The following SLC27A6 variants were observed in gnomAD, a reference collection of about 807,000 sequenced individuals.
The protein encoded by SLC27A6 is solute carrier family 27 member 6, also known as long-chain fatty acid transport protein 6.
A neutral mutation model predicts 63.9 loss-of-function variants in SLC27A6; 74 were observed. The ratio of observed to expected loss-of-function variants is 1.16; its 90% CI spans 0.96 to 1.40. The LOEUF is 1.40. SLC27A6 is among the 40% of genes most tolerant of loss of function. The pLI is 0.00. For synonymous variants in SLC27A6, 287 were observed against 260.8 expected (o/e 1.10, Z -0.97); for missense variants, 794 against 732.9 (o/e 1.08, Z -0.96).
chr5:128,978,046 G>T (rs1185806459), intron 1 of SLC27A6, among the ~76,000 whole-genome samples: 2 of 152,108 alleles, frequency 1.3e-5, no homozygotes, highest in Non-Finnish European at 2.9e-5. Context: ...AGAGAAATTT[G>T]GGATGCCATT....
chr5:128,998,765 A>T (rs1751241110), intron 4 of SLC27A6, among the ~76,000 whole-genome samples: 1 of 152,138 alleles, frequency 6.6e-6, no homozygotes, highest in Admixed American at 6.5e-5. Context: ...TCTATTCCTG[A>T]ACTTCCTTGC....
At chr5:128,986,156 T>C (rs1225974054) in intron 2 of SLC27A6, among the ~76,000 whole-genome samples, 1 of 151,734 alleles carries the variant, frequency 6.6e-6, no homozygotes, top group Non-Finnish European at 1.5e-5. Flanking sequence ...TACAAAAAAA[T>C]TAAAAAAAAT....
intron 1 of SLC27A6, among the ~76,000 whole-genome samples, chr5:128,982,242 T>C (rs1009447418): frequency 4.6e-5 from 7 of 152,198 alleles, no homozygotes; most frequent in African/African-American, 1.7e-4. Context: ...CCTACCACTA[T>C]TGAAGAAATA....
chr5:128,972,278 G>T (rs904524199), intron 1 of SLC27A6, among the ~76,000 whole-genome samples: 1 of 152,082 alleles, frequency 6.6e-6, no homozygotes, highest in Admixed American at 6.6e-5. Flanking sequence ...TTGTGGCGTT[G>T]TCTGTATTTC....
intron 4 of SLC27A6, among the ~76,000 whole-genome samples, chr5:129,002,670 C>A (rs1372651245): frequency 1.3e-5 from 2 of 152,164 alleles, no homozygotes; most frequent in African/African-American, 4.8e-5. Context: ...GAGGACAGAG[C>A]AGACAACAAT....
chr5:128,970,249 A>G (rs960128631), intron 1 of SLC27A6, among the ~76,000 whole-genome samples: 5 of 151,994 alleles, frequency 3.3e-5, no homozygotes, highest in South Asian at 2.1e-4. Flanking sequence ...TCTCTGCCAG[A>G]CTTTGGTATC....
intron 4 of SLC27A6, among the ~76,000 whole-genome samples, chr5:128,993,996 G>A (rs375689372): frequency 4.0e-5 from 6 of 151,742 alleles, no homozygotes; most frequent in South Asian, 2.1e-4. Flanking sequence ...ATGGGGAAAC[G>A]ATCTGTACTA....
In SLC27A6 at chr5:128,988,657, T is replaced by C; in HGVS notation, c.743T>C (p.Leu248Pro). Residue 248 changes from leucine (L) to proline (P), a missense_variant, in exon 3 of 10, where the codon CTG becomes CCG. By Grantham distance (98) the Leu-to-Pro change is moderately conservative. Coordinates refer to ENST00000262462, the MANE Select transcript of SLC27A6 (RefSeq NM_001017372.3). ...QLQVLRGSAV[L>P]WAFGCTAHDI... ...CAGGTTTTAAGGGGTTCTGCTGTCC[T>C]GTGGGCTTTTGGTTGTACTGCTCAT... 1 of 1,614,072 alleles carries C rather than the reference T, an allele frequency of 6.2e-7. No individual in the cohort carries two copies. The highest frequency in any genetic ancestry group is 1.1e-5 in the South Asian group (1 of 91,082).
rs546383085 is a variant in SLC27A6, at chr5:129,000,276, CTCTT to C, written c.969+9818_969+9821del. Among the ~76,000 whole-genome samples, 509 of 152,196 alleles carry C rather than the reference CTCTT, an allele frequency of 3.3e-3. 3 individuals are homozygous for C. The highest frequency in any genetic ancestry group is 0.012 in the African/African-American group (483 of 41,528). On this transcript the variant is annotated intron_variant, in intron 4 of 9. Transcript: ENST00000262462. ...TTCCATTACATATTTTATATATAAC[CTCTT>C]TCTTTATCTCTCTTAATCTTCTTCC...
rs1752316566 is a variant in SLC27A6, at chr5:129,028,459, G to A, written c.1552+17G>A. The A allele has an allele frequency of 6.9e-7, 1 of 1,455,676 alleles. No homozygotes were observed. Among genetic ancestry groups the A allele is most frequent in the Non-Finnish European group, 9.5e-7 (1 of 1,048,688 alleles). 90.2% of individuals were successfully genotyped at this position (1,455,676 alleles called of 1,614,324 possible). A position where few individuals can be genotyped will look rare whatever the true frequency, so the allele number is the denominator to read the frequency against. ...CTATATCAGGTATAAATATATTTCA[G>A]ATTTTGGAAAGATTCTTAGAATAGA... On this transcript the variant is annotated intron_variant, in intron 8 of 9. Transcript: ENST00000262462.
intron 2 of SLC27A6, 68 bp from the exon 3 acceptor site, chr5:128,988,532 A>C: frequency 8.3e-7 from 1 of 1,202,438 alleles, no homozygotes; most frequent in South Asian, 1.5e-5. Flanking sequence ...TAGTTATATG[A>C]ATATGTATGC....
chr5:128,975,793 T>C (rs1750356092), intron 1 of SLC27A6, among the ~76,000 whole-genome samples: 2 of 152,172 alleles, frequency 1.3e-5, no homozygotes, highest in South Asian at 2.1e-4. Flanking sequence ...CTTTACATTA[T>C]TTTTGCTCCT....
chr5:128,980,519 A>G (rs766003740), intron 1 of SLC27A6, among the ~76,000 whole-genome samples: 4 of 152,194 alleles, frequency 2.6e-5, no homozygotes, highest in Non-Finnish European at 5.9e-5. Context: ...AGTGGGGTCC[A>G]CAGTGTATGT....
At chr5:128,980,598 G>A (rs915313226) in intron 1 of SLC27A6, among the ~76,000 whole-genome samples, 5 of 152,134 alleles carry the variant, frequency 3.3e-5, no homozygotes, top group Admixed American at 2.6e-4. Context: ...AGAGCTACCC[G>A]TGCATTATGT....
At chr5:128,967,414 C>T (rs1374617295) in intron 1 of SLC27A6, among the ~76,000 whole-genome samples, 1 of 152,070 alleles carries the variant, frequency 6.6e-6, no homozygotes, top group Non-Finnish European at 1.5e-5. Flanking sequence ...ATGGTTTATG[C>T]AGAGTCTTCT....
chr5:129,030,463 C>T (rs1023428013), intron 9 of SLC27A6, among the ~76,000 whole-genome samples: 9 of 151,894 alleles, frequency 5.9e-5, no homozygotes, highest in African/African-American at 2.2e-4. Flanking sequence ...ATTCAGGTTT[C>T]AGTATTTGCC....
At chr5:129,014,746 C>T (rs570623726) in intron 4 of SLC27A6, among the ~76,000 whole-genome samples, 14 of 152,170 alleles carry the variant, frequency 9.2e-5, no homozygotes, top group Non-Finnish European at 1.8e-4. Context: ...AAATTTCCTG[C>T]CAAGCTTTCT....
chr5:128,965,919 A>C lies in SLC27A6; in HGVS notation c.-219A>C. The C allele has an allele frequency of 2.3e-6, 1 of 443,458 alleles. No individual in the cohort carries two copies. Among genetic ancestry groups the C allele is most frequent in the Non-Finnish European group, 3.8e-6 (1 of 261,074 alleles). The allele number at this position is 443,458 out of a possible 1,614,324, so 27.5% of individuals were successfully genotyped here. ...TCCAGCCGCCCAGTGACCCAAGCTT[A>C]ATCTTCAGCACCACTTGGGGCGACC... On this transcript the variant is annotated 5_prime_UTR_variant, in exon 1 of 10. Coordinates refer to ENST00000262462, the MANE Select transcript of SLC27A6 (RefSeq NM_001017372.3).
Position 129,006,071 on chromosome 5 carries a change from G to GTTTTTTTTTTTTTTTTTTTTTTTTTT in SLC27A6, c.970-9789_970-9788insTTTTTTTTTTTTTTTTTTTTTTTTTT, listed in dbSNP as rs4068575. 1.4e-3 allele frequency among the ~76,000 whole-genome samples: 85 copies of GTTTTTTTTTTTTTTTTTTTTTTTTTT among 60,138 alleles called. 24 individuals carry two copies. The highest frequency in any genetic ancestry group is 4.9e-3 in the East Asian group (3 of 614). The allele number at this position is 60,138 out of a possible 152,430, so 39.5% of individuals were successfully genotyped here. A position where few individuals can be genotyped will look rare whatever the true frequency, so the allele number is the denominator to read the frequency against. The stretch of plus-strand genomic sequence containing the variant: ...TAAAATTTTCATTCCTGTGCACACT[G>GTTTTTTTTTTTTTTTTTTTTTTTTTT]TTTTTTTTTTTTTTTTTTTTTTTTT... On this transcript the variant is annotated intron_variant, in intron 4 of 9. Coordinates refer to ENST00000262462, the MANE Select transcript of SLC27A6 (RefSeq NM_001017372.3).
Sources: allele counts gnomAD v4.1 joint callset (sites outside exome capture counted in the v4.1 genomes callset), GRCh38; gene constraint gnomAD v4.1.1; transcripts MANE v1.5; gene names NCBI Gene and HGNC (gene_info 2026-07-23, HGNC 2026-07-21).